ANKRD28: variants seen among roughly 807,000 people sequenced by gnomAD.
The protein encoded by ANKRD28 is ankyrin repeat domain 28, also known as serine/threonine-protein phosphatase 6 regulatory ankyrin repeat subunit A.
ANKRD28 carries 44 observed loss-of-function variants against 126.5 expected under a neutral mutation model. The ratio of observed to expected loss-of-function variants is 0.35; its 90% CI spans 0.27 to 0.45. The LOEUF is 0.45. Ranked by LOEUF, ANKRD28 falls within the 20% of genes least tolerant of loss-of-function variation. The pLI, the probability that ANKRD28 is intolerant of heterozygous loss-of-function variation, is 1.00. For missense variants in ANKRD28, 1,110 were observed against 1,316.6 expected (o/e 0.84, Z 2.43); for synonymous variants, 442 against 468.5 (o/e 0.94, Z 0.73).
intron 1 of ANKRD28, among the ~76,000 whole-genome samples, chr3:15,823,995 G>C (rs555858086): frequency 1.0e-3 from 154 of 152,068 alleles, no homozygotes; most frequent in Non-Finnish European, 2.0e-3. Flanking sequence ...CAAAGATCAG[G>C]AGAGAGATAA....
At position 15,817,619 on chromosome 3, in the gene ANKRD28, T is replaced by C. The variant is rs1258340765; in HGVS notation, c.28-22313A>G. 6.6e-6 allele frequency among the ~76,000 whole-genome samples: 1 copy of C among 152,142 alleles called. No individual in the cohort carries two copies. Among genetic ancestry groups the C allele is most frequent in the Non-Finnish European group, 1.5e-5 (1 of 68,014 alleles). On this transcript the variant is annotated intron_variant, in intron 1 of 27. Coordinates refer to the ANKRD28 transcript ENST00000399451. This position sits in a 1 kb window ranked among gnomAD's most constrained non-coding sequence, Gnocchi z 4.5. ...CTGGAGGGCAACCTAGTAAATAAAA[T>C]TAACTAAGATTCCTTTGCTAAGTGA...
intron 2 of ANKRD28, among the ~76,000 whole-genome samples, chr3:15,784,836 G>C (rs923020364): frequency 6.6e-5 from 10 of 152,028 alleles, no homozygotes; most frequent in Admixed American, 5.9e-4. Flanking sequence ...GAATACAGCA[G>C]AGTAGGAAGC....
chr3:15,786,596 T>TTA (rs1249971663), intron 2 of ANKRD28, among the ~76,000 whole-genome samples: 1 of 152,070 alleles, frequency 6.6e-6, no homozygotes, highest in African/African-American at 2.4e-5. Flanking sequence ...ATTTTACACT[T>TTA]TATATATATG....
chr3:15,785,890 A>C (rs2059756769), intron 2 of ANKRD28, among the ~76,000 whole-genome samples: 1 of 152,122 alleles, frequency 6.6e-6, no homozygotes, highest in Non-Finnish European at 1.5e-5. Context: ...CATTAAAAAA[A>C]CATAGAAGAA....
chr3:15,671,423 T>C (rs1210713878), intron 27 of ANKRD28, among the ~76,000 whole-genome samples: 1 of 152,074 alleles, frequency 6.6e-6, no homozygotes, highest in East Asian at 1.9e-4. Context: ...ATAACCACCA[T>C]ACAGATTAAG....
chr3:15,749,333 C>T lies in ANKRD28; in HGVS notation c.351+2417G>A, dbSNP rs568409086. On this transcript the variant is annotated intron_variant, in intron 4 of 27. Coordinates refer to ENST00000683139, the MANE Select transcript of ANKRD28 (RefSeq NM_001349278.2). ...TTCACCTTGTTAGCCAGGATGGTCT[C>T]GATCTCCTGACCTCATGATCCACCC... Among the ~76,000 whole-genome samples, 25 of 151,210 alleles carry T rather than the reference C, an allele frequency of 1.7e-4. No individual in the cohort carries two copies. In the South Asian group the frequency reaches 5.3e-3, roughly 32 times the overall value.
intron 1 of ANKRD28, among the ~76,000 whole-genome samples, chr3:15,850,224 T>TATATATATATATATATAGAGAGAG (rs1418223588): frequency 5.1e-4 from 18 of 35,102 alleles, no homozygotes; most frequent in Non-Finnish European, 9.5e-4. Context: ...TATATATATA[T>TATATATATATATATATAGAGAGAG]AGAGAGAGAG....
intron 7 of ANKRD28, among the ~76,000 whole-genome samples, chr3:15,721,996 C>T (rs1021215510): frequency 2.0e-5 from 3 of 152,142 alleles, no homozygotes; most frequent in Non-Finnish European, 4.4e-5. Flanking sequence ...CCACCGGCCT[C>T]GGCCTCCCAA....
Position 15,691,472 on chromosome 3 carries a change from CTT to C in ANKRD28, c.1762-1254_1762-1253del, listed in dbSNP as rs1448190815. On this transcript the variant is annotated intron_variant, in intron 17 of 27. Transcript: ENST00000683139. ...TAATAAAAGGGCTTTCCAGAAAAGT[CTT>C]TTCAAAATCCAACATGGCAACTGAA... Among the ~76,000 whole-genome samples the C allele has an allele frequency of 7.9e-5, 12 of 152,296 alleles. No homozygotes were observed. The East Asian group carries it at 1.4e-3, about 17-fold the overall frequency.
rs1362294430 is a variant in ANKRD28, at chr3:15,668,806, C to G, written c.*1464G>C. The G allele has an allele frequency of 6.6e-6, 1 of 152,564 alleles. No individual in the cohort carries two copies. Among genetic ancestry groups the G allele is most frequent in the Non-Finnish European group, 1.5e-5 (1 of 68,020 alleles). The allele number at this position is 152,564 out of a possible 1,614,324, so 9.5% of individuals were successfully genotyped here. ...CACACTTTATATTCAGAAAAACCAG[C>G]TGATAATTTACAATGTCATAAAGTT... On this transcript the variant is annotated 3_prime_UTR_variant, in exon 28 of 28. Transcript: ENST00000683139.
intron 6 of ANKRD28, among the ~76,000 whole-genome samples, chr3:15,735,132 T>A (rs2074931762): frequency 6.6e-6 from 1 of 152,184 alleles, no homozygotes; most frequent in South Asian, 2.1e-4. Context: ...TGGGCTTTAG[T>A]AAACATCAAT....
intron 8 of ANKRD28, among the ~76,000 whole-genome samples, chr3:15,718,442 T>A (rs111565235): frequency 0.023 from 3,481 of 152,322 alleles, 140 homozygotes; most frequent in African/African-American, 0.079. Context: ...TAACTTCAAA[T>A]AGGACCACTG....
In ANKRD28 at chr3:15,812,223, G is replaced by T. The variant is rs554269556; in HGVS notation, c.28-16917C>A. On this transcript the variant is annotated intron_variant, in intron 1 of 27. Coordinates refer to the ANKRD28 transcript ENST00000399451. The surrounding 1 kb of genome is among the most constrained non-coding windows in gnomAD (Gnocchi z 4.1). The stretch of plus-strand genomic sequence containing the variant: ...GTTTCTAAGATGATAATCAAAGATG[G>T]CATCATAGAGCTGGGCACAGCGGTG... Among the ~76,000 whole-genome samples the T allele has an allele frequency of 6.6e-6, 1 of 152,134 alleles. No homozygotes were observed. The highest frequency in any genetic ancestry group is 2.1e-4 in the South Asian group (1 of 4,808).
chr3:15,836,442 T>C (rs1384891175), intron 1 of ANKRD28, among the ~76,000 whole-genome samples: 1 of 152,068 alleles, frequency 6.6e-6, no homozygotes, highest in East Asian at 1.9e-4. Context: ...ATGAGATGTA[T>C]AGAAAACAAA....
Position 15,830,520 on chromosome 3 carries a change from C to CTT in ANKRD28, c.27+28856_27+28857insAA, listed in dbSNP as rs1019275545. On this transcript the variant is annotated intron_variant, in intron 1 of 27. Transcript: ENST00000399451. This position sits in a 1 kb window ranked among gnomAD's most constrained non-coding sequence, Gnocchi z 4.5. ...TAGGTTATGTGCTTTTTACAACACT[C>CTT]TAACTAATGCCTGATGATCTGAGGT... is the stretch of plus-strand genomic sequence containing the variant. Among the ~76,000 whole-genome samples, 4 of 152,140 alleles carry CTT rather than the reference C, an allele frequency of 2.6e-5. No homozygotes were observed. Among genetic ancestry groups the CTT allele is most frequent in the Non-Finnish European group, 4.4e-5 (3 of 68,020 alleles).
At chr3:15,758,302 C>T (rs371854366) in intron 3 of ANKRD28, among the ~76,000 whole-genome samples, 11 of 152,180 alleles carry the variant, frequency 7.2e-5, no homozygotes, top group Admixed American at 6.5e-4. Context: ...GCAAAAGGTT[C>T]AGATTCGGTT....
chr3:15,829,955 T>C (rs2061154769), intron 1 of ANKRD28, among the ~76,000 whole-genome samples: 1 of 149,648 alleles, frequency 6.7e-6, no homozygotes, highest in African/African-American at 2.5e-5. Context: ...AAAAAAAAAG[T>C]CTAGTCCAGC....
chr3:15,768,802 A>AG (rs2058867093), intron 2 of ANKRD28, among the ~76,000 whole-genome samples: 1 of 151,990 alleles, frequency 6.6e-6, no homozygotes, highest in Non-Finnish European at 1.5e-5. Context: ...TATAGTGCCA[A>AG]TAATGTTAAA....
chr3:15,816,676 G>A lies in ANKRD28; in HGVS notation c.28-21370C>T, dbSNP rs2060837725. On this transcript the variant is annotated intron_variant, in intron 1 of 27. Transcript: ENST00000399451. The surrounding 1 kb of genome is among the most constrained non-coding windows in gnomAD (Gnocchi z 5.0). ...TAACTAACAAACATTTAAGTTACATGAAACTGAAAAATGTATAAGAGCATC... is the reference window on the plus strand; with the variant it reads ...TAACTAACAAACATTTAAGTTACATAAAACTGAAAAATGTATAAGAGCATC... 6.6e-6 allele frequency among the ~76,000 whole-genome samples: 1 copy of A among 152,094 alleles called. No homozygotes were observed. Among genetic ancestry groups the A allele is most frequent in the South Asian group, 2.1e-4 (1 of 4,828 alleles).
Sources: allele counts gnomAD v4.1 joint callset (sites outside exome capture counted in the v4.1 genomes callset), GRCh38; gene constraint gnomAD v4.1.1; non-coding constraint Gnocchi (gnomAD v3.1); transcripts MANE v1.5; gene names NCBI Gene and HGNC (gene_info 2026-07-23, HGNC 2026-07-21).